Variants in CTNNA3 observed in about 807,000 individuals in gnomAD.
CTNNA3 encodes catenin alpha 3, also known as catenin alpha-3.
In CTNNA3, 76 loss-of-function variants were observed where a neutral mutation model predicts 95.7. That is an observed-to-expected ratio of 0.79 (90% CI 0.66 to 0.96). The LOEUF is 0.96. CTNNA3 is among the 40% of genes least tolerant of loss of function. The pLI is 0.00. For synonymous variants in CTNNA3, 431 were observed against 374.4 expected, an observed-to-expected ratio of 1.15 and a Z score of -1.74; for missense variants, 1,191 against 1,089.8, an observed-to-expected ratio of 1.09 and a Z score of -1.31.
chr10:66,772,542 G>C (rs1004651014), intron 8 of CTNNA3, among the ~76,000 whole-genome samples: 1 of 152,006 alleles, frequency 6.6e-6, no homozygotes, highest in African/African-American at 2.4e-5. Flanking sequence ...AAGAATAATG[G>C]GGATTAAGTC....
chr10:67,033,056 G>A (rs910562239), intron 7 of CTNNA3, among the ~76,000 whole-genome samples: 1 of 152,042 alleles, frequency 6.6e-6, no homozygotes, highest in Non-Finnish European at 1.5e-5. Flanking sequence ...AAAGATAACA[G>A]CTATTTTTTT....
chr10:66,415,109 C>T (rs2093136109), intron 11 of CTNNA3, among the ~76,000 whole-genome samples: 1 of 152,120 alleles, frequency 6.6e-6, no homozygotes. Context: ...CCCACTCAAG[C>T]ATTCCACAAT....
At chr10:67,439,075 G>GT (rs552689542) in intron 5 of CTNNA3, among the ~76,000 whole-genome samples, 55 of 152,188 alleles carry the variant, frequency 3.6e-4, no homozygotes, top group African/African-American at 1.3e-3. Context: ...AAAACGGGGT[G>GT]TTTTTTCTAC....
chr10:66,194,761 C>T (rs1390668499), intron 13 of CTNNA3, among the ~76,000 whole-genome samples: 1 of 152,096 alleles, frequency 6.6e-6, no homozygotes, highest in Non-Finnish European at 1.5e-5. Context: ...GACATGGGTC[C>T]TCACAGCACC....
At chr10:66,425,700 A>ACACG (rs55997407) in intron 11 of CTNNA3, among the ~76,000 whole-genome samples, 1 of 151,548 alleles carries the variant, frequency 6.6e-6, no homozygotes, top group Non-Finnish European at 1.5e-5. Context: ...ACACACACAC[A>ACACG]TATATACACA....
rs577027068 is a variant in CTNNA3, at chr10:67,235,085, T to C, written c.580-15215A>G. Among the ~76,000 whole-genome samples, 22 of 151,958 alleles carry C rather than the reference T, an allele frequency of 1.4e-4. No individual in the cohort carries two copies. In the East Asian group the frequency reaches 4.3e-3, roughly 29 times the overall value. Reference sequence around the variant, plus strand: ...ATCAATATCGTGAAAATGGCCATACTGCCCAAGGTAATTTACAGATTCAAT... The same window carrying C: ...ATCAATATCGTGAAAATGGCCATACCGCCCAAGGTAATTTACAGATTCAAT... On this transcript the variant is annotated intron_variant, in intron 5 of 17. Coordinates refer to ENST00000433211, the MANE Select transcript of CTNNA3 (RefSeq NM_013266.4).
intron 3 of CTNNA3, among the ~76,000 whole-genome samples, chr10:67,600,851 T>C (rs1018782460): frequency 6.6e-6 from 1 of 151,986 alleles, no homozygotes; most frequent in Non-Finnish European, 1.5e-5. Context: ...TGGTTTATTA[T>C]CAATGAATGA....
intron 13 of CTNNA3, among the ~76,000 whole-genome samples, chr10:66,213,420 G>A (rs1401459414): frequency 1.3e-5 from 2 of 152,098 alleles, no homozygotes; most frequent in Non-Finnish European, 2.9e-5. Flanking sequence ...ATACTAGCTA[G>A]ATGAATTACT....
intron 17 of CTNNA3, among the ~76,000 whole-genome samples, chr10:65,925,016 G>T (rs1276478086): frequency 6.6e-6 from 1 of 152,094 alleles, no homozygotes; most frequent in Non-Finnish European, 1.5e-5. Context: ...CATGACACAT[G>T]GGGATTACTA....
intron 7 of CTNNA3, among the ~76,000 whole-genome samples, chr10:66,830,431 C>G (rs924308810): frequency 7.0e-6 from 1 of 142,606 alleles, no homozygotes; most frequent in African/African-American, 2.4e-5. Context: ...AAAGAAGTAC[C>G]GACAGAGGTT....
chr10:67,136,950 C>T (rs1248607121), intron 7 of CTNNA3, among the ~76,000 whole-genome samples: 2 of 152,238 alleles, frequency 1.3e-5, no homozygotes, highest in South Asian at 2.1e-4. Flanking sequence ...GAGTAGGGGG[C>T]ATATAAAAAG....
chr10:66,651,660 C>CTGCG (rs1554830223), intron 9 of CTNNA3, among the ~76,000 whole-genome samples: 1 of 152,128 alleles, frequency 6.6e-6, no homozygotes, highest in Non-Finnish European at 1.5e-5. Context: ...GCCCGCCGGC[C>CTGCG]GGCACTGCTG....
At chr10:67,418,220 AG>A (rs1430455718) in intron 5 of CTNNA3, among the ~76,000 whole-genome samples, 2 of 152,192 alleles carry the variant, frequency 1.3e-5, no homozygotes, top group Non-Finnish European at 2.9e-5. Context: ...CATATGGAAA[AG>A]TTTCAAACTG....
At chr10:66,413,926 T>C (rs2093126910) in intron 11 of CTNNA3, among the ~76,000 whole-genome samples, 1 of 152,192 alleles carries the variant, frequency 6.6e-6, no homozygotes, top group African/African-American at 2.4e-5. Flanking sequence ...AATGGGGAGA[T>C]ACAGAAAAGA....
At chr10:66,356,284 T>A (rs1370061745) in intron 12 of CTNNA3, among the ~76,000 whole-genome samples, 1 of 152,042 alleles carries the variant, frequency 6.6e-6, no homozygotes, top group Admixed American at 6.5e-5. Context: ...TTAGGAAGAA[T>A]TGATATCATC....
At chr10:67,469,305 G>A (rs1009556435) in intron 5 of CTNNA3, among the ~76,000 whole-genome samples, 5 of 152,122 alleles carry the variant, frequency 3.3e-5, no homozygotes, top group Non-Finnish European at 7.3e-5. Flanking sequence ...TGAAATAATA[G>A]AAATGTAAGA....
chr10:67,758,641 C>T (rs1033882554), intron 1 of CTNNA3, among the ~76,000 whole-genome samples: 161 of 151,828 alleles, frequency 1.1e-3, no homozygotes, highest in African/African-American at 3.1e-3. Context: ...TTATAAAAAC[C>T]GCACTACATC....
intron 13 of CTNNA3, among the ~76,000 whole-genome samples, chr10:66,209,523 A>G (rs1302456287): frequency 7.2e-5 from 11 of 152,160 alleles, no homozygotes. Flanking sequence ...AGCTAGTTCC[A>G]AAGCCCCGAG....
chr10:66,026,274 C>T (rs996311093), intron 15 of CTNNA3, among the ~76,000 whole-genome samples: 2 of 152,228 alleles, frequency 1.3e-5, no homozygotes, highest in East Asian at 3.9e-4. Flanking sequence ...TAATAATTCC[C>T]ATATTTAATC....
Sources: gnomAD v4.1 joint callset for allele counts (sites outside exome capture counted in the v4.1 genomes callset) on GRCh38, gnomAD v4.1.1 for gene constraint, MANE v1.5 for transcripts, NCBI Gene and HGNC (gene_info 2026-07-23, HGNC 2026-07-21) for gene names.